Variants in TRIM40 observed in about 807,000 individuals in gnomAD.
TRIM40 encodes E3 ubiquitin ligase TRIM40.
Under a neutral mutation model 26.1 loss-of-function variants are expected in TRIM40, and 27 were observed. The ratio of observed to expected loss-of-function variants is 1.04; its 90% CI spans 0.76 to 1.43. The LOEUF (loss-of-function observed/expected upper bound fraction) is 1.43, where lower values mean the gene tolerates loss of function less well. Ranked by LOEUF, TRIM40 falls within the 40% of genes most tolerant of loss-of-function variation. The pLI is 0.00. For synonymous variants in TRIM40, 114 were observed against 120.0 expected, an observed-to-expected ratio of 0.95 and a Z score of 0.33; for missense variants, 289 against 307.9, an observed-to-expected ratio of 0.94 and a Z score of 0.46.
rs556243433 is a variant in TRIM40, at chr6:30,148,109, G to A, written c.*297G>A. ...ATCTCCATTTTGCCTGTAAACTGAT[G>A]GTAGTGCCCATCTCTCACAATCTCA... On this transcript the variant is annotated 3_prime_UTR_variant, in exon 6 of 6. Transcript: ENST00000396581. The A allele has an allele frequency of 7.1e-5, 36 of 508,844 alleles. No homozygotes were observed. The East Asian group carries it at 1.0e-3, about 14-fold the overall frequency. 31.5% of individuals were successfully genotyped at this position (508,844 alleles called of 1,614,324 possible).
At chr6:30,143,318 T>A (rs1217664607) in intron 2 of TRIM40, among the ~76,000 whole-genome samples, 1 of 152,170 alleles carries the variant, frequency 6.6e-6, no homozygotes. Flanking sequence ...CATACATTTT[T>A]AAAAATTTTC....
intron 2 of TRIM40, among the ~76,000 whole-genome samples, chr6:30,143,341 G>C (rs2127424469): frequency 6.6e-6 from 1 of 151,404 alleles, no homozygotes; most frequent in African/African-American, 2.4e-5. Context: ...ACATTTTCTA[G>C]ATCATAATTG....
At chr6:30,146,443 G>T (rs984620376) in intron 3 of TRIM40, among the ~76,000 whole-genome samples, 3 of 150,532 alleles carry the variant, frequency 2.0e-5, no homozygotes, top group African/African-American at 7.3e-5. Context: ...ATGGAGCCTT[G>T]CTCTGTCGCC....
rs1462201891 is a variant in TRIM40, at chr6:30,145,926, C to T, written c.346-68C>T. On this transcript the variant is annotated intron_variant, in intron 2 of 5. Transcript: ENST00000396581. ...TGGGATCAGGCCCCCTACCGTGTTC[C>T]ATTGACTCCTCCCAGTGGGTGCCCC... 6.4e-6 allele frequency: 8 copies of T among 1,244,912 alleles called. No individual in the cohort carries two copies. The African/African-American group carries it at 7.4e-5, about 11-fold the overall frequency. 77.1% of individuals were successfully genotyped at this position (1,244,912 alleles called of 1,614,324 possible).
Position 30,147,747 on chromosome 6 carries a change from G to T in TRIM40, c.712G>T (p.Val238Phe), listed in dbSNP as rs532486766. 9.9e-6 allele frequency: 16 copies of T among 1,614,154 alleles called. No homozygotes were observed. Among genetic ancestry groups the T allele is most frequent in the South Asian group, 2.2e-5 (2 of 91,078 alleles). ...LNRSAPQKLE[V>F]IYPQLEKGVS... The stretch of plus-strand genomic sequence containing the variant: ...TAGGAGTGCTCCACAGAAATTAGAG[G>T]TTATTTATCCCCAGTTGGAGAAAGG... The change falls in exon 6 of 6, where the codon GTT becomes TTT. Residue 238 changes from valine to phenylalanine, a missense_variant. Coordinates refer to ENST00000396581, the MANE Select transcript of TRIM40 (RefSeq NM_001286633.2).
At chr6:30,141,819 T>C (rs1309523088) in intron 2 of TRIM40, among the ~76,000 whole-genome samples, 6 of 152,184 alleles carry the variant, frequency 3.9e-5, no homozygotes, top group African/African-American at 4.8e-5. Context: ...GATGGTGTGA[T>C]GCAGTGTGGG....
At chr6:30,139,883 A>G (rs921846411) in intron 2 of TRIM40, among the ~76,000 whole-genome samples, 4 of 152,370 alleles carry the variant, frequency 2.6e-5, no homozygotes, top group African/African-American at 7.2e-5. Flanking sequence ...TGTAAGAAAA[A>G]AACAACCCCA....
In TRIM40 at chr6:30,137,166, A is replaced by G. The variant is rs1376190604; in HGVS notation, c.130A>G (p.Lys44Glu). 2.8e-5 allele frequency: 45 copies of G among 1,612,852 alleles called. No homozygotes were observed. Among genetic ancestry groups the G allele is most frequent in the Non-Finnish European group, 3.6e-5 (43 of 1,180,018 alleles). ...AGTGTGCCTGACACAGCATGTGGAG[A>G]AGGCCTCAGCCTCTGGGGTCTTCTG... ...CRVCLTQHVE[K>E]ASASGVFCCP... Residue 44 changes from lysine (K) to glutamate (E), a missense_variant, in exon 2 of 6, where the codon AAG becomes GAG. By Grantham distance (56) the Lys-to-Glu change is moderately conservative. Coordinates refer to ENST00000396581, the MANE Select transcript of TRIM40 (RefSeq NM_001286633.2).
chr6:30,145,875 G>C, intron 2 of TRIM40, 119 bp from the exon 3 acceptor site: 2 of 709,818 alleles, frequency 2.8e-6, no homozygotes, highest in South Asian at 3.4e-5. Context: ...TTTCTTTTTA[G>C]GCAGAATTTT....
In TRIM40 at chr6:30,147,168, C is replaced by G. The variant is rs769357897; in HGVS notation, c.625C>G (p.Leu209Val). The G allele has an allele frequency of 1.7e-5, 28 of 1,614,100 alleles. No individual in the cohort carries two copies. The highest frequency in any genetic ancestry group is 1.3e-5 in the African/African-American group (1 of 74,940). The change falls in exon 4 of 6, where the codon CTG becomes GTG. Residue 209 changes from leucine (L) to valine (V), a missense_variant. Leu to Val is a conservative substitution (Grantham distance 32, BLOSUM62 1). Coordinates refer to ENST00000396581, the MANE Select transcript of TRIM40 (RefSeq NM_001286633.2). The part of the protein sequence containing the change: ...VTQLRSLVID[L>V]ERTAKELDTN... ...ACAGCTCAGAAGCCTGGTCATTGAT[C>G]TGGAAAGGACGGCCAAGGAATTAGA...
At chr6:30,142,734 C>G (rs186426052) in intron 2 of TRIM40, among the ~76,000 whole-genome samples, 261 of 152,104 alleles carry the variant, frequency 1.7e-3, no homozygotes, top group African/African-American at 5.9e-3. Flanking sequence ...AAGGATGACT[C>G]CACGTTAATT....
chr6:30,146,834 A>G, intron 3 of TRIM40, 151 bp from the exon 4 acceptor site: 1 of 725,558 alleles, frequency 1.4e-6, no homozygotes, highest in South Asian at 1.9e-5. Context: ...TGAGAATCAA[A>G]GCTGCTTCTG....
Position 30,147,917 on chromosome 6 carries a change from G to T in TRIM40, c.*105G>T. On this transcript the variant is annotated 3_prime_UTR_variant, in exon 6 of 6. Coordinates refer to ENST00000396581, the MANE Select transcript of TRIM40 (RefSeq NM_001286633.2). Reference sequence around the variant, plus strand: ...ACTGGGTCTACCCAGTGCATCTTCGGGCCTGCCAGCTCCTGAACATGTCAC... The same window carrying T: ...ACTGGGTCTACCCAGTGCATCTTCGTGCCTGCCAGCTCCTGAACATGTCAC... 1.1e-6 allele frequency: 1 copy of T among 901,746 alleles called. No individual in the cohort carries two copies. The highest frequency in any genetic ancestry group is 1.4e-5 in the South Asian group (1 of 73,122). The allele number at this position is 901,746 out of a possible 1,614,324, so 55.9% of individuals were successfully genotyped here. A position where few individuals can be genotyped will look rare whatever the true frequency, so the allele number is the denominator to read the frequency against.
At chr6:30,146,670 C>T (rs1771680464) in intron 3 of TRIM40, among the ~76,000 whole-genome samples, 1 of 152,022 alleles carries the variant, frequency 6.6e-6, no homozygotes, top group South Asian at 2.1e-4. Context: ...CTTGGCCTCC[C>T]AAAGTGCTGG....
rs74459034 is a variant in TRIM40 at position 30,137,195 on chromosome 6, C to T, written c.159C>T (p.Cys53=). 4,669 of 1,613,044 alleles carry T rather than the reference C, an allele frequency of 2.9e-3. 49 individuals are homozygous for T. In the African/African-American group the frequency reaches 0.034, roughly 12 times the overall value. ...EKASASGVFC[C]PLCRKPCSEE... ...CCTCAGCCTCTGGGGTCTTCTGCTG[C>T]CCCCTCTGCCGGAAGCCCTGTTCTG... The change falls in exon 2 of 6, where the codon TGC becomes TGT. Residue 53 remains cysteine (C), a synonymous_variant. Coordinates refer to ENST00000396581, the MANE Select transcript of TRIM40 (RefSeq NM_001286633.2).
At position 30,137,107 on chromosome 6, in the gene TRIM40, C is replaced by A; in HGVS notation, c.71C>A (p.Ala24Asp). 6.2e-7 allele frequency: 1 copy of A among 1,613,022 alleles called. No homozygotes were observed. The highest frequency in any genetic ancestry group is 8.5e-7 in the Non-Finnish European group (1 of 1,180,024). ...ATCTGCCAGGAGAGCCTGAAGGAGG[C>A]CGTGAGCACCAACTGCGGACATCTC... ...CPICQESLKE[A>D]VSTNCGHLFC... Residue 24 changes from alanine to aspartate, a missense_variant, in exon 2 of 6, where the codon GCC becomes GAC. Physicochemically the swap from Ala to Asp is moderately radical, Grantham distance 126 (BLOSUM62 -2). Coordinates refer to ENST00000396581, the MANE Select transcript of TRIM40 (RefSeq NM_001286633.2).
chr6:30,145,556 G>C (rs1771594152), intron 2 of TRIM40, among the ~76,000 whole-genome samples: 1 of 152,186 alleles, frequency 6.6e-6, no homozygotes, highest in Non-Finnish European at 1.5e-5. Flanking sequence ...GCTCTATCTT[G>C]TCACTCATCC....
intron 2 of TRIM40, 95 bp downstream of exon 2, chr6:30,137,476 A>G: frequency 9.8e-7 from 1 of 1,019,864 alleles, no homozygotes; most frequent in East Asian, 2.4e-5. Flanking sequence ...GAGTAGCTCA[A>G]CAATGGACAT....
At chr6:30,141,324 G>A (rs184824124) in intron 2 of TRIM40, among the ~76,000 whole-genome samples, 39 of 152,290 alleles carry the variant, frequency 2.6e-4, no homozygotes, top group Middle Eastern at 6.8e-3. Context: ...GCAAGACCCT[G>A]TCTCAAACAA....
Sources: gnomAD v4.1 joint callset for allele counts (sites outside exome capture counted in the v4.1 genomes callset) on GRCh38, gnomAD v4.1.1 for gene constraint, MANE v1.5 for transcripts, NCBI Gene and HGNC (gene_info 2026-07-23, HGNC 2026-07-21) for gene names.